The following TNFAIP8 variants were observed in gnomAD, a reference collection of about 807,000 sequenced individuals.
TNFAIP8 encodes tumor necrosis factor alpha-induced protein 8.
A neutral mutation model predicts 13.3 loss-of-function variants in TNFAIP8; 7 were observed. The observed-to-expected ratio is 0.52, with a 90% CI of 0.30 to 0.99. The LOEUF (loss-of-function observed/expected upper bound fraction) is 0.99, where lower values mean the gene tolerates loss of function less well. Among genes scored for constraint, TNFAIP8 ranks in the 50% least tolerant of loss-of-function variants. The pLI, the probability that TNFAIP8 is intolerant of heterozygous loss-of-function variation, is 0.07. For synonymous variants in TNFAIP8, 94 were observed against 87.6 expected (o/e 1.07, Z -0.41); for missense variants, 258 against 236.9 (o/e 1.09, Z -0.58).
chr5:119,386,978 C>CCTCTCTCT (rs1554183299), intron 1 of TNFAIP8, among the ~76,000 whole-genome samples: 1 of 135,418 alleles, frequency 7.4e-6, no homozygotes, highest in Non-Finnish European at 1.6e-5. Flanking sequence ...TCCCTCCCTC[C>CCTCTCTCT]CTCTCTTTCC....
intron 1 of TNFAIP8, among the ~76,000 whole-genome samples, chr5:119,328,381 C>T (rs562085306): frequency 6.6e-6 from 1 of 152,286 alleles, no homozygotes; most frequent in East Asian, 1.9e-4. Context: ...GGTAAAACTA[C>T]ATAATGAGAA....
intron 1 of TNFAIP8, among the ~76,000 whole-genome samples, chr5:119,281,231 G>A (rs1352302468): frequency 6.7e-6 from 1 of 149,150 alleles, no homozygotes; most frequent in African/African-American, 2.5e-5. Context: ...CTCATTCACT[G>A]GAATGGTTAG....
chr5:119,374,192 A>AT (rs35356644), intron 1 of TNFAIP8, among the ~76,000 whole-genome samples: 5,036 of 149,474 alleles, frequency 0.034, 109 homozygotes, highest in Middle Eastern at 0.052. Flanking sequence ...TAGATTTTGG[A>AT]TTTTTTTTTT....
At chr5:119,341,087 CTT>C (rs35856054) in intron 1 of TNFAIP8, among the ~76,000 whole-genome samples, 18,984 of 138,222 alleles carry the variant, frequency 0.14, 1,955 homozygotes, top group African/African-American at 0.31. Flanking sequence ...TGGTCTCCTG[CTT>C]TTTTTTTTTT....
chr5:119,295,935 G>A (rs1246841820), intron 1 of TNFAIP8, among the ~76,000 whole-genome samples: 11 of 150,262 alleles, frequency 7.3e-5, no homozygotes, highest in African/African-American at 2.4e-4. Context: ...TCTGTCTGTT[G>A]TTGGTGTATA....
chr5:119,359,355 C>T (rs1234609374), intron 1 of TNFAIP8, among the ~76,000 whole-genome samples: 2 of 152,152 alleles, frequency 1.3e-5, no homozygotes, highest in Non-Finnish European at 2.9e-5. Context: ...GATCCCCTGT[C>T]GCCCTCTCTC....
chr5:119,327,202 C>T (rs1018291647), intron 1 of TNFAIP8, among the ~76,000 whole-genome samples: 1 of 152,080 alleles, frequency 6.6e-6, no homozygotes, highest in Non-Finnish European at 1.5e-5. Flanking sequence ...CCAGCCCTGT[C>T]GTTGAGTAAA....
chr5:119,301,399 A>G (rs185484268), intron 1 of TNFAIP8, among the ~76,000 whole-genome samples: 1 of 152,310 alleles, frequency 6.6e-6, no homozygotes, highest in East Asian at 1.9e-4. Flanking sequence ...CAGTCTTCAA[A>G]GCCCCAAATA....
At chr5:119,359,558 A>G (rs947143989) in intron 1 of TNFAIP8, among the ~76,000 whole-genome samples, 23 of 150,396 alleles carry the variant, frequency 1.5e-4, no homozygotes, top group Non-Finnish European at 3.1e-4. Context: ...ATCCTTGGCA[A>G]AAAAAAAAAA....
chr5:119,372,435 T>C (rs1466895497), intron 1 of TNFAIP8, among the ~76,000 whole-genome samples: 2 of 152,138 alleles, frequency 1.3e-5, no homozygotes, highest in African/African-American at 4.8e-5. Context: ...TATAAGAACT[T>C]ATAAAATAAC....
intron 1 of TNFAIP8, among the ~76,000 whole-genome samples, chr5:119,331,632 G>A (rs554071609): frequency 1.1e-4 from 16 of 152,260 alleles, no homozygotes; most frequent in Admixed American, 3.3e-4. Context: ...GTGCCTCCCC[G>A]ACTGGGCCTG....
At chr5:119,357,087 A>G (rs1255040414) in intron 1 of TNFAIP8, among the ~76,000 whole-genome samples, 1 of 152,240 alleles carries the variant, frequency 6.6e-6, no homozygotes, top group Non-Finnish European at 1.5e-5. Context: ...CCAGTTAGGA[A>G]GAGCCCTTGA....
intron 1 of TNFAIP8, among the ~76,000 whole-genome samples, chr5:119,281,853 C>A (rs1748640661): frequency 6.6e-6 from 1 of 152,120 alleles, no homozygotes; most frequent in African/African-American, 2.4e-5. Context: ...GAACAATATT[C>A]CCTAATTTCA....
intron 1 of TNFAIP8, among the ~76,000 whole-genome samples, chr5:119,294,615 C>A (rs908878355): frequency 1.3e-5 from 2 of 152,158 alleles, no homozygotes; most frequent in Non-Finnish European, 2.9e-5. Context: ...TGAGGCATCT[C>A]CACACTGACT....
rs190233645 is a variant in TNFAIP8, at chr5:119,319,350, T to C, written c.1+50443T>C. 2.0e-5 allele frequency among the ~76,000 whole-genome samples: 3 copies of C among 152,360 alleles called. No homozygotes were observed. The East Asian group carries it at 5.8e-4, about 29-fold the overall frequency. Reference sequence around the variant, plus strand: ...AGGTTTTTCTTCTGGCTTTGGAGTTTGTATTCCAACATGAGGTTTCGAGAA... The same window carrying C: ...AGGTTTTTCTTCTGGCTTTGGAGTTCGTATTCCAACATGAGGTTTCGAGAA... On this transcript the variant is annotated intron_variant, in intron 1 of 1. Coordinates refer to the TNFAIP8 transcript ENST00000274456.
intron 1 of TNFAIP8, among the ~76,000 whole-genome samples, chr5:119,347,093 C>T (rs958318296): frequency 1.3e-5 from 2 of 152,168 alleles, no homozygotes; most frequent in Admixed American, 6.5e-5. Flanking sequence ...TTCTTTAAGA[C>T]CAGATACTAG....
chr5:119,304,159 C>G (rs193048621), intron 1 of TNFAIP8, among the ~76,000 whole-genome samples: 1 of 151,942 alleles, frequency 6.6e-6, no homozygotes, highest in Non-Finnish European at 1.5e-5. Context: ...TGCTCTGTTG[C>G]CCAGGCTGGA....
At chr5:119,291,321 A>G (rs1748980106) in intron 1 of TNFAIP8, among the ~76,000 whole-genome samples, 1 of 152,240 alleles carries the variant, frequency 6.6e-6, no homozygotes, top group South Asian at 2.1e-4. Flanking sequence ...AATAGCAGCC[A>G]ATTGCTACAT....
chr5:119,371,240 CTGGTATT>C (rs1306254963), intron 1 of TNFAIP8, among the ~76,000 whole-genome samples: 1 of 152,134 alleles, frequency 6.6e-6, no homozygotes, highest in Non-Finnish European at 1.5e-5. Flanking sequence ...TGCGTGGAGT[CTGGTATT>C]TGTATGTTTC....
Sources: gnomAD v4.1 joint callset for allele counts (sites outside exome capture counted in the v4.1 genomes callset) on GRCh38, gnomAD v4.1.1 for gene constraint, MANE v1.5 for transcripts, NCBI Gene and HGNC (gene_info 2026-07-23, HGNC 2026-07-21) for gene names.